ATXN2L: variants seen among roughly 807,000 people sequenced by gnomAD.
ATXN2L encodes ataxin 2 like, also known as ataxin-2-like protein.
A neutral mutation model predicts 120.7 loss-of-function variants in ATXN2L; 24 were observed. The observed-to-expected ratio is 0.20, with a 90% CI of 0.14 to 0.28. ATXN2L has a LOEUF of 0.28. Ranked by LOEUF, ATXN2L falls within the 10% of genes least tolerant of loss-of-function variation. ATXN2L has a pLI of 1.00. For missense variants in ATXN2L, 1,312 were observed against 1,432.3 expected (o/e 0.92, Z 1.36); for synonymous variants, 653 against 568.1 (o/e 1.15, Z -2.13).
At chr16:28,824,245 G>A in intron 1 of ATXN2L, 1 of 1,112,216 alleles carries the variant, frequency 9.0e-7, no homozygotes, top group South Asian at 1.9e-5. Flanking sequence ...CTCGTCTGGT[G>A]GCAGTGCATG....
At chr16:28,827,485 C>T (rs974939651) in intron 6 of ATXN2L, among the ~76,000 whole-genome samples, 2 of 152,160 alleles carry the variant, frequency 1.3e-5, no homozygotes, top group African/African-American at 4.8e-5. Context: ...CCACTCCTAG[C>T]ATTTGCATCA....
At position 28,832,289 on chromosome 16, in the gene ATXN2L, C is replaced by G; in HGVS notation, c.1406C>G (p.Ser469Trp). The G allele has an allele frequency of 6.2e-7, 1 of 1,614,160 alleles. No individual in the cohort carries two copies. Among genetic ancestry groups the G allele is most frequent in the Non-Finnish European group, 8.5e-7 (1 of 1,180,042 alleles). ...TCCTGTCCAGAGCCTCCCATCGGCTCGGCAGTGCCAACCTCTTCAGCCTCC... is the reference window on the plus strand; with the variant it reads ...TCCTGTCCAGAGCCTCCCATCGGCTGGGCAGTGCCAACCTCTTCAGCCTCC... Reference protein sequence around the residue: ...SASCPEPPIGSAVPTSSASIP... With the variant: ...SASCPEPPIGWAVPTSSASIP... The change falls in exon 11 of 22, where the codon TCG becomes TGG. Residue 469 changes from serine (S) to tryptophan (W), a missense_variant. Physicochemically the swap from Ser to Trp is radical, Grantham distance 177. Coordinates refer to ENST00000336783, the MANE Select transcript of ATXN2L (RefSeq NM_007245.4).
intron 2 of ATXN2L, 63 bp from the exon 3 acceptor site, chr16:28,825,561 A>G (rs2051586942): frequency 1.3e-6 from 2 of 1,577,572 alleles, no homozygotes; most frequent in Admixed American, 1.7e-5. Context: ...GCGGGCATTT[A>G]GAAAAGAAAA....
Position 28,836,192 on chromosome 16 carries a change from C to G in ATXN2L, c.3155C>G (p.Ala1052Gly). The change falls in exon 22 of 22, where the codon GCT becomes GGT. Residue 1052 changes from alanine to glycine, a missense_variant. Ala to Gly is a moderately conservative substitution (Grantham distance 60). Transcript: ENST00000336783. The part of the protein sequence containing the change: ...ADDRIREFSL[A>G]GGIWHGRAEG... Reference sequence around the variant, plus strand: ...GACAGGATTCGTGAGTTCTCATTAGCTGGGGGAATTTGGCATGGAAGAGCT... The same window carrying G: ...GACAGGATTCGTGAGTTCTCATTAGGTGGGGGAATTTGGCATGGAAGAGCT... 6.2e-7 allele frequency: 1 copy of G among 1,614,056 alleles called. No homozygotes were observed. Among genetic ancestry groups the G allele is most frequent in the East Asian group, 2.2e-5 (1 of 44,874 alleles).
chr16:28,834,846 C>G (rs1959533096), intron 18 of ATXN2L, 153 bp downstream of exon 18: 1 of 1,185,614 alleles, frequency 8.4e-7, no homozygotes, highest in African/African-American at 1.5e-5. Context: ...TGGGCTTGAG[C>G]CCTGGCTCTG....
intron 6 of ATXN2L, 55 bp downstream of exon 6, chr16:28,827,041 AC>A (rs2052346171): frequency 7.3e-7 from 1 of 1,361,030 alleles, no homozygotes; most frequent in African/African-American, 1.5e-5. Context: ...TGGGTTGTTG[AC>A]AGTGAGGTTC....
rs2152095455 is a variant in ATXN2L, at chr16:28,834,048, C to T, written c.2026-17C>T. ...GGGGAAAATACAAAATAAAATTGTC[C>T]TCCCTTGTTTTTGCAGAATAAATCC... is the stretch of plus-strand genomic sequence containing the variant. On this transcript the variant is annotated splice_polypyrimidine_tract_variant and intron_variant, in intron 15 of 21. Transcript: ENST00000336783. 2 of 1,608,852 alleles carry T rather than the reference C, an allele frequency of 1.2e-6. No homozygotes were observed. The highest frequency in any genetic ancestry group is 2.2e-5 in the East Asian group (1 of 44,848).
At chr16:28,826,205 C>G (rs1189546407) in intron 4 of ATXN2L, 35 bp from the exon 5 acceptor site, 2 of 1,606,562 alleles carry the variant, frequency 1.2e-6, no homozygotes, top group African/African-American at 2.7e-5. Flanking sequence ...TTTCTTGAAA[C>G]TGACCCATGG....
At position 28,823,649 on chromosome 16, in the gene ATXN2L, A is replaced by C. The variant is rs2151861350; in HGVS notation, c.299+91A>C. ...GGGCGGACCCCGACCCGGCACCGTCAGGGGCACCGGCTGGGTGGGGAGTCC... is the reference window on the plus strand; with the variant it reads ...GGGCGGACCCCGACCCGGCACCGTCCGGGGCACCGGCTGGGTGGGGAGTCC... On this transcript the variant is annotated intron_variant, in intron 1 of 21. Transcript: ENST00000336783. 2.5e-6 allele frequency: 3 copies of C among 1,192,018 alleles called. No homozygotes were observed. In the South Asian group the frequency reaches 9.0e-5, roughly 36 times the overall value. The allele number at this position is 1,192,018 out of a possible 1,614,324, so 73.8% of individuals were successfully genotyped here. A position where few individuals can be genotyped will look rare whatever the true frequency, so the allele number is the denominator to read the frequency against.
At position 28,833,990 on chromosome 16, in the gene ATXN2L, A is replaced by T. The variant is rs1202981522; in HGVS notation, c.2026-75A>T. 7 of 1,509,422 alleles carry T rather than the reference A, an allele frequency of 4.6e-6. No individual in the cohort carries two copies. The South Asian group carries it at 6.2e-5, about 13-fold the overall frequency. The allele number at this position is 1,509,422 out of a possible 1,614,324, so 93.5% of individuals were successfully genotyped here. A position where few individuals can be genotyped will look rare whatever the true frequency, so the allele number is the denominator to read the frequency against. ...GGTATGCAGCATTTCACGAATGTTA[A>T]TTATTACCACTCTAGGCATGGCCAG... On this transcript the variant is annotated intron_variant, in intron 15 of 21. Coordinates refer to ENST00000336783, the MANE Select transcript of ATXN2L (RefSeq NM_007245.4).
chr16:28,833,157 G>T lies in ATXN2L; in HGVS notation c.1758G>T (p.Leu586=), dbSNP rs1285993884. Residue 586 remains leucine, a synonymous_variant, in exon 14 of 22, where the codon CTG becomes CTT. Coordinates refer to ENST00000336783, the MANE Select transcript of ATXN2L (RefSeq NM_007245.4). ...GAAAGGAGAAAGAGGTTGATGGTCT[G>T]TTGACTTCAGAGCCCATGGGGTCTC... ...PKGKEKEVDG[L]LTSEPMGSPV... is the part of the protein sequence containing the mutation. 1.2e-6 allele frequency: 2 copies of T among 1,614,206 alleles called. No homozygotes were observed. Among genetic ancestry groups the T allele is most frequent in the South Asian group, 1.1e-5 (1 of 91,090 alleles).
Position 28,831,020 on chromosome 16 carries a change from T to C in ATXN2L, c.1269T>C (p.Ser423=). ...QRPLRGAKTL[S]SPSNRPSGET... ...CTCTGAGAGGTGCCAAGACTCTGTC[T>C]TCGCCCAGTAATAGGCCTTCTGGAG... The change falls in exon 10 of 22, where the codon TCT becomes TCC. Residue 423 remains serine, a synonymous_variant. Coordinates refer to ENST00000336783, the MANE Select transcript of ATXN2L (RefSeq NM_007245.4). 1 of 1,611,960 alleles carries C rather than the reference T, an allele frequency of 6.2e-7. No homozygotes were observed. Among genetic ancestry groups the C allele is most frequent in the East Asian group, 2.2e-5 (1 of 44,864 alleles).
chr16:28,832,857 A>G lies in ATXN2L; in HGVS notation c.1629A>G (p.Glu543=). 6.2e-7 allele frequency: 1 copy of G among 1,614,218 alleles called. No individual in the cohort carries two copies. Among genetic ancestry groups the G allele is most frequent in the Non-Finnish European group, 8.5e-7 (1 of 1,180,030 alleles). ...ATGAACAGAAACGATTCCAACTGGA[A>G]GAACTGAGAAAGTTTGGGGCCCAGT... ...LQNEQKRFQL[E]ELRKFGAQFK... is the part of the protein sequence containing the mutation. Residue 543 remains glutamate (E), a synonymous_variant, in exon 13 of 22, where the codon GAA becomes GAG. Transcript: ENST00000336783.
chr16:28,834,522 G>A lies in ATXN2L; in HGVS notation c.2262G>A (p.Gln754=), dbSNP rs1171558239. The A allele has an allele frequency of 1.2e-6, 2 of 1,610,800 alleles. No individual in the cohort carries two copies. The highest frequency in any genetic ancestry group is 1.3e-5 in the African/African-American group (1 of 74,924). The change falls in exon 18 of 22, where the codon CAG becomes CAA. Residue 754 remains glutamine (Q), a synonymous_variant. Transcript: ENST00000336783. Reference sequence around the variant, plus strand: ...CTCTTCCAGGCTCCCTTCCTCCGCAGCGCTCGGACCAACACCAGCCAGCCT... The same window carrying A: ...CTCTTCCAGGCTCCCTTCCTCCGCAACGCTCGGACCAACACCAGCCAGCCT... ...YRGAKGSLPP[Q]RSDQHQPASA...
chr16:28,826,104 T>A, intron 4 of ATXN2L, 136 bp from the exon 5 acceptor site: 1 of 1,047,032 alleles, frequency 9.6e-7, no homozygotes, highest in Non-Finnish European at 1.4e-6. Context: ...GTTCCAAGCA[T>A]GTTGAGGATG....
At chr16:28,827,491 C>T (rs1326508423) in intron 6 of ATXN2L, among the ~76,000 whole-genome samples, 1 of 152,188 alleles carries the variant, frequency 6.6e-6, no homozygotes, top group Non-Finnish European at 1.5e-5. Context: ...CTAGCATTTG[C>T]ATCACGTTAT....
In ATXN2L at chr16:28,834,587, C is replaced by T. The variant is rs1315570233; in HGVS notation, c.2327C>T (p.Pro776Leu). The change falls in exon 18 of 22, where the codon CCG (proline) becomes CTG (leucine). Residue 776 changes from proline to leucine, a missense_variant. Coordinates refer to ENST00000336783, the MANE Select transcript of ATXN2L (RefSeq NM_007245.4). The stretch of plus-strand genomic sequence containing the variant: ...ATGCAGGCCGCCGCGGCTGCTGGCC[C>T]GCCTCTGGTGGCTGCCACGCCCTAT... ...PMMQAAAAAG[P>L]PLVAATPYSS... 2.5e-6 allele frequency: 4 copies of T among 1,613,466 alleles called. No individual in the cohort carries two copies. The highest frequency in any genetic ancestry group is 1.6e-4 in the Middle Eastern group (1 of 6,062).
At chr16:28,823,637 C>G in intron 1 of ATXN2L, 79 bp downstream of exon 1, 1 of 1,230,642 alleles carries the variant, frequency 8.1e-7, no homozygotes, top group East Asian at 3.2e-5. Flanking sequence ...CGGACCCCGA[C>G]CCGGCACCGT....
Position 28,829,924 on chromosome 16 carries a change from T to C in ATXN2L, c.900T>C (p.Ala300=). The C allele has an allele frequency of 6.2e-7, 1 of 1,614,190 alleles. No individual in the cohort carries two copies. The highest frequency in any genetic ancestry group is 1.1e-5 in the South Asian group (1 of 91,090). ...GAGAGCTGCGTGCGGCCCAGTTGGCTCGAGAGATTGAATCAAGCCCCCAGT... is the reference window on the plus strand; with the variant it reads ...GAGAGCTGCGTGCGGCCCAGTTGGCCCGAGAGATTGAATCAAGCCCCCAGT... ...RQRELRAAQL[A]REIESSPQYR... Residue 300 remains alanine (A), a synonymous_variant, in exon 8 of 22, where the codon GCT becomes GCC. Transcript: ENST00000336783.
Sources: gnomAD v4.1 joint callset for allele counts (sites outside exome capture counted in the v4.1 genomes callset) on GRCh38, gnomAD v4.1.1 for gene constraint, MANE v1.5 for transcripts, NCBI Gene and HGNC (gene_info 2026-07-23, HGNC 2026-07-21) for gene names.